Variants in LONP2 observed in about 807,000 individuals in gnomAD.
LONP2 encodes lon peptidase 2, peroxisomal.
In LONP2, 60 loss-of-function variants were observed where a neutral mutation model predicts 85.6. The ratio of observed to expected loss-of-function variants is 0.70; its 90% CI spans 0.57 to 0.87. LONP2 has a LOEUF of 0.87. Ranked by LOEUF, LONP2 falls within the 40% of genes least tolerant of loss-of-function variation. The probability of loss-of-function intolerance (pLI) is 0.00; values close to 1 mark genes in which losing one functional copy is unlikely to be tolerated. For missense variants in LONP2, 860 were observed against 1,063.5 expected, an observed-to-expected ratio of 0.81 and a Z score of 2.66; for synonymous variants, 395 against 389.7, an observed-to-expected ratio of 1.01 and a Z score of -0.16.
In LONP2 at chr16:48,313,575, A is replaced by G. The variant is rs901748312; in HGVS notation, c.1795+10270A>G. Among the ~76,000 whole-genome samples, 4 of 152,074 alleles carry G rather than the reference A, an allele frequency of 2.6e-5. No homozygotes were observed. The East Asian group carries it at 7.7e-4, about 29-fold the overall frequency. ...CTCCCACTTATAAGTGAGAACATGC[A>G]GTGTTTGGTTTTCTGATCCTGCATT... is the stretch of plus-strand genomic sequence containing the variant. On this transcript the variant is annotated intron_variant, in intron 11 of 14. Transcript: ENST00000285737.
At chr16:48,335,720 C>T (rs1177506340) in intron 12 of LONP2, among the ~76,000 whole-genome samples, 5 of 152,142 alleles carry the variant, frequency 3.3e-5, no homozygotes, top group Non-Finnish European at 7.4e-5. Context: ...TGAGAAATAG[C>T]CCCCAAGCCT....
intron 8 of LONP2, among the ~76,000 whole-genome samples, chr16:48,287,499 C>T (rs767590311): frequency 4.6e-5 from 7 of 152,248 alleles, no homozygotes; most frequent in Non-Finnish European, 8.8e-5. Context: ...ACTGTTCTCA[C>T]AGAGTGTTCT....
downstream of LONP2, among the ~76,000 whole-genome samples, chr16:48,359,075 C>T (rs1567363332): frequency 6.6e-6 from 1 of 152,178 alleles, no homozygotes; most frequent in Non-Finnish European, 1.5e-5. Flanking sequence ...GCAACCTCCG[C>T]TTCCTGGGTT....
intron 1 of LONP2, among the ~76,000 whole-genome samples, chr16:48,246,404 G>A (rs1431707629): frequency 6.6e-6 from 1 of 152,160 alleles, no homozygotes. Context: ...TTAGTTCCCT[G>A]TCTAGGCAAG....
At chr16:48,359,846 AG>A (rs1960511709), downstream of LONP2, among the ~76,000 whole-genome samples, 1 of 152,234 alleles carries the variant, frequency 6.6e-6, no homozygotes, top group Non-Finnish European at 1.5e-5. Flanking sequence ...ATCCAGAATC[AG>A]TGGTGGGATA....
At chr16:48,267,739 C>G (rs924698943) in intron 6 of LONP2, among the ~76,000 whole-genome samples, 2 of 152,026 alleles carry the variant, frequency 1.3e-5, no homozygotes, top group Non-Finnish European at 2.9e-5. Flanking sequence ...CCCTAGTCTA[C>G]TGAGTAGCAG....
intron 8 of LONP2, among the ~76,000 whole-genome samples, chr16:48,285,918 A>G (rs1394503337): frequency 6.6e-6 from 1 of 152,106 alleles, no homozygotes; most frequent in Non-Finnish European, 1.5e-5. Context: ...GTGAAGGTGT[A>G]TACTCATTAC....
chr16:48,359,124 G>A (rs1030029558), downstream of LONP2, among the ~76,000 whole-genome samples: 1 of 152,028 alleles, frequency 6.6e-6, no homozygotes, highest in African/African-American at 2.4e-5. Context: ...AATAGGGTGT[G>A]CCATCATGCC....
downstream of LONP2, among the ~76,000 whole-genome samples, chr16:48,358,232 CAT>C (rs1960447086): frequency 6.6e-6 from 1 of 152,110 alleles, no homozygotes; most frequent in African/African-American, 2.4e-5. Flanking sequence ...ATTAGCAAAA[CAT>C]GAGGTGAAAA....
intron 1 of LONP2, among the ~76,000 whole-genome samples, chr16:48,245,265 C>T (rs1189726741): frequency 4.6e-5 from 7 of 152,144 alleles, no homozygotes; most frequent in South Asian, 4.1e-4. Flanking sequence ...CCTAGCTTCT[C>T]ACCTCTGCTC....
intron 11 of LONP2, among the ~76,000 whole-genome samples, chr16:48,329,298 A>G (rs1156350435): frequency 1.3e-5 from 2 of 152,146 alleles, no homozygotes; most frequent in Non-Finnish European, 2.9e-5. Flanking sequence ...GTGTGATGAA[A>G]TGTCGAGCCA....
intron 8 of LONP2, among the ~76,000 whole-genome samples, chr16:48,277,713 A>G (rs1972242028): frequency 6.6e-6 from 1 of 151,780 alleles, no homozygotes; most frequent in African/African-American, 2.4e-5. Context: ...TAGTTTAACA[A>G]AGTTTTGTGC....
chr16:48,260,839 A>G (rs1299661059), intron 4 of LONP2, among the ~76,000 whole-genome samples: 1 of 152,252 alleles, frequency 6.6e-6, no homozygotes, highest in African/African-American at 2.4e-5. Context: ...TTGATGAGGT[A>G]GGGGATCTGG....
intron 8 of LONP2, among the ~76,000 whole-genome samples, chr16:48,288,445 G>A (rs919285353): frequency 3.9e-5 from 6 of 152,016 alleles, no homozygotes; most frequent in African/African-American, 1.4e-4. Flanking sequence ...GAGCCACCGC[G>A]CCCAGTCAGA....
At chr16:48,295,014 G>A (rs1311109807) in intron 8 of LONP2, among the ~76,000 whole-genome samples, 2 of 152,214 alleles carry the variant, frequency 1.3e-5, no homozygotes, top group African/African-American at 4.8e-5. Context: ...ACAAGTGCCT[G>A]TGACTTGAAG....
At chr16:48,260,654 C>T (rs1971856110) in intron 4 of LONP2, among the ~76,000 whole-genome samples, 1 of 152,086 alleles carries the variant, frequency 6.6e-6, no homozygotes, top group Non-Finnish European at 1.5e-5. Flanking sequence ...TAATTTTGCT[C>T]CAGTAGTGGT....
intron 11 of LONP2, among the ~76,000 whole-genome samples, chr16:48,312,086 G>A (rs899195227): frequency 1.3e-5 from 2 of 151,834 alleles, no homozygotes; most frequent in Non-Finnish European, 1.5e-5. Context: ...GATTACAAGC[G>A]TGCGTTACCA....
intron 1 of LONP2, among the ~76,000 whole-genome samples, chr16:48,251,119 A>G (rs1971636294): frequency 6.6e-6 from 1 of 152,220 alleles, no homozygotes; most frequent in South Asian, 2.1e-4. Flanking sequence ...CACTGTGTAT[A>G]GAAGTAAGCA....
chr16:48,263,148 T>A (rs1165479990), intron 6 of LONP2, among the ~76,000 whole-genome samples: 2 of 152,220 alleles, frequency 1.3e-5, no homozygotes. Context: ...AGTTTCCTCC[T>A]ACCTCTTTTG....
Sources: allele counts gnomAD v4.1 joint callset (sites outside exome capture counted in the v4.1 genomes callset), GRCh38; gene constraint gnomAD v4.1.1; transcripts MANE v1.5; gene names NCBI Gene and HGNC (gene_info 2026-07-23, HGNC 2026-07-21).